Variants in TRPM3 observed in about 807,000 individuals in gnomAD.
TRPM3 encodes the protein long transient receptor potential channel 3.
A neutral mutation model predicts 181.2 loss-of-function variants in TRPM3; 77 were observed. The observed-to-expected ratio is 0.42, with a 90% CI of 0.35 to 0.51. The LOEUF is 0.51. Among genes scored for constraint, TRPM3 ranks in the 20% least tolerant of loss-of-function variants. TRPM3 has a pLI of 0.01. For missense variants in TRPM3, 1,759 were observed against 2,196.7 expected (o/e 0.80, Z 3.98); for synonymous variants, 745 against 796.4 (o/e 0.94, Z 1.09).
chr9:71,010,635 A>G (rs540898998), intron 1 of TRPM3, among the ~76,000 whole-genome samples: 1 of 152,190 alleles, frequency 6.6e-6, no homozygotes, highest in East Asian at 1.9e-4. Flanking sequence ...AACAAATGCT[A>G]GGGAGAATGT....
chr9:70,818,959 A>G (rs926669978), intron 6 of TRPM3, among the ~76,000 whole-genome samples: 5 of 152,332 alleles, frequency 3.3e-5, no homozygotes, highest in African/African-American at 9.6e-5. Flanking sequence ...TGTTAAATAC[A>G]TATTTTGAAT....
Position 71,151,636 on chromosome 9 carries a change from C to T in TRPM3, c.184-287125G>A, listed in dbSNP as rs142115114. ...TCTATAGAGTACTCACCCATTAGTT[C>T]GATGACACGTGCACACAGATATTCT... On this transcript the variant is annotated intron_variant, in intron 1 of 24. Coordinates refer to the TRPM3 transcript ENST00000357533. Among the ~76,000 whole-genome samples, 69 of 152,020 alleles carry T rather than the reference C, an allele frequency of 4.5e-4. No individual in the cohort carries two copies. In the East Asian group the frequency reaches 0.012, roughly 26 times the overall value.
At chr9:70,851,816 T>C (rs2095239413) in intron 3 of TRPM3, among the ~76,000 whole-genome samples, 9 of 151,852 alleles carry the variant, frequency 5.9e-5, no homozygotes, top group Admixed American at 5.9e-4. Context: ...ACAATTACTT[T>C]ACTAAGAAAA....
chr9:70,800,519 T>C (rs911085616), intron 6 of TRPM3, among the ~76,000 whole-genome samples: 2 of 152,124 alleles, frequency 1.3e-5, no homozygotes, highest in Admixed American at 1.3e-4. Flanking sequence ...TATATGTAGA[T>C]TTTCTTCTAC....
At chr9:71,149,244 A>C (rs1052289341) in intron 1 of TRPM3, among the ~76,000 whole-genome samples, 1 of 152,012 alleles carries the variant, frequency 6.6e-6, no homozygotes, top group South Asian at 2.1e-4. Context: ...TACAAAAAAT[A>C]ATTTAAAAAC....
intron 1 of TRPM3, among the ~76,000 whole-genome samples, chr9:70,907,057 A>G (rs1377066169): frequency 1.3e-5 from 2 of 152,240 alleles, no homozygotes; most frequent in African/African-American, 4.8e-5. Context: ...ATATTACCTT[A>G]CTTTATAACA....
Position 70,591,209 on chromosome 9 carries a change from G to C in TRPM3, c.3049-4C>G. 1.2e-6 allele frequency: 2 copies of C among 1,612,756 alleles called. No individual in the cohort carries two copies. Among genetic ancestry groups the C allele is most frequent in the Non-Finnish European group, 8.5e-7 (1 of 1,178,816 alleles). ...CAAAGTACATCATGTCTATCATCTGGAAGGGTGGGGAAGCAGAGGGAGAAA... is the reference window on the plus strand; with the variant it reads ...CAAAGTACATCATGTCTATCATCTGCAAGGGTGGGGAAGCAGAGGGAGAAA... On this transcript the variant is annotated splice_polypyrimidine_tract_variant and splice_region_variant and intron_variant, in intron 21 of 25. Transcript: ENST00000677713.
At chr9:71,344,450 C>CA (rs56103104) in intron 1 of TRPM3, among the ~76,000 whole-genome samples, 1,927 of 140,490 alleles carry the variant, frequency 0.014, 12 homozygotes, top group Non-Finnish European at 0.018. Flanking sequence ...GACTCCATCT[C>CA]AAAAAAAAAA....
intron 22 of TRPM3, among the ~76,000 whole-genome samples, chr9:70,569,029 C>T (rs1053309282): frequency 2.0e-5 from 3 of 152,158 alleles, no homozygotes; most frequent in African/African-American, 4.8e-5. Flanking sequence ...CTAAGAAGCC[C>T]AGTCTTCATT....
intron 24 of TRPM3, among the ~76,000 whole-genome samples, chr9:70,551,491 G>A (rs2046441427): frequency 1.3e-5 from 2 of 152,202 alleles, no homozygotes; most frequent in Non-Finnish European, 2.9e-5. Context: ...CTAGCCCAAT[G>A]TCTGGCTTAT....
chr9:71,400,345 G>T (rs2131375466), intron 1 of TRPM3, among the ~76,000 whole-genome samples: 1 of 152,256 alleles, frequency 6.6e-6, no homozygotes, highest in East Asian at 1.9e-4. Context: ...GTTTGGCTCT[G>T]TAATTAAAAC....
chr9:70,849,874 A>G (rs1160518608), intron 3 of TRPM3, among the ~76,000 whole-genome samples: 1 of 152,222 alleles, frequency 6.6e-6, no homozygotes, highest in African/African-American at 2.4e-5. Flanking sequence ...CCATTGTTTC[A>G]AAGCCTCAAA....
chr9:70,969,536 C>T (rs1032473824), intron 1 of TRPM3, among the ~76,000 whole-genome samples: 1 of 150,990 alleles, frequency 6.6e-6, no homozygotes, highest in Admixed American at 6.6e-5. Context: ...TATTAATAAA[C>T]AATGTTAATG....
intron 1 of TRPM3, among the ~76,000 whole-genome samples, chr9:71,387,919 C>G (rs2092964845): frequency 6.6e-6 from 1 of 152,178 alleles, no homozygotes; most frequent in Non-Finnish European, 1.5e-5. Flanking sequence ...CTTTTCTACT[C>G]AATCATATAT....
In TRPM3 at chr9:70,529,418, C is replaced by T. The variant is rs2040565644; in HGVS notation, c.*6535G>A. ...TTATAAACTAGGGTTAGAACGTTTA[C>T]AAATGAGAGTCTAGGTCCTATATTA... On this transcript the variant is annotated 3_prime_UTR_variant, in exon 26 of 26. Transcript: ENST00000677713. The T allele has an allele frequency of 6.6e-6, 1 of 152,128 alleles. No individual in the cohort carries two copies. The highest frequency in any genetic ancestry group is 6.5e-5 in the Admixed American group (1 of 15,282). The allele number at this position is 152,128 out of a possible 1,614,324, so 9.4% of individuals were successfully genotyped here. A position where few individuals can be genotyped will look rare whatever the true frequency, so the allele number is the denominator to read the frequency against.
In TRPM3 at chr9:70,529,103, T is replaced by C. The variant is rs1031498734; in HGVS notation, c.*6850A>G. On this transcript the variant is annotated 3_prime_UTR_variant, in exon 26 of 26. Transcript: ENST00000677713. ...AGTTTTTTTTTTTATTGCAAAACAT[T>C]TGTTACAGAAATTTCAGAAAGTTTT... 1.3e-5 allele frequency: 2 copies of C among 152,152 alleles called. No homozygotes were observed. Among genetic ancestry groups the C allele is most frequent in the African/African-American group, 4.8e-5 (2 of 41,426 alleles). 9.4% of individuals were successfully genotyped at this position (152,152 alleles called of 1,614,324 possible).
chr9:70,803,428 CCCCCA>C (rs1286129145), intron 6 of TRPM3, among the ~76,000 whole-genome samples: 1 of 150,772 alleles, frequency 6.6e-6, no homozygotes, highest in Non-Finnish European at 1.5e-5. Flanking sequence ...TGAGCTCCGC[CCCCCA>C]CCGCCACCGT....
At chr9:70,553,984 T>C (rs1443091484) in intron 22 of TRPM3, among the ~76,000 whole-genome samples, 2 of 151,380 alleles carry the variant, frequency 1.3e-5, no homozygotes, top group African/African-American at 4.9e-5. Flanking sequence ...CACCTGTTCT[T>C]CCAGCAGCAT....
intron 1 of TRPM3, among the ~76,000 whole-genome samples, chr9:71,302,470 A>G (rs557700664): frequency 1.3e-3 from 195 of 152,334 alleles, no homozygotes; most frequent in African/African-American, 4.5e-3. Context: ...ATGAGATCAA[A>G]TAATTCTAAA....
Sources: allele counts gnomAD v4.1 joint callset (sites outside exome capture counted in the v4.1 genomes callset), GRCh38; gene constraint gnomAD v4.1.1; transcripts MANE v1.5; gene names NCBI Gene and HGNC (gene_info 2026-07-23, HGNC 2026-07-21).